Variants in SNX31 observed in about 807,000 individuals in gnomAD.
SNX31 encodes sorting nexin 31.
SNX31 carries 58 observed loss-of-function variants against 65.4 expected under a neutral mutation model. That is an observed-to-expected ratio of 0.89 (90% CI 0.72 to 1.10). SNX31 has a LOEUF of 1.10. SNX31 is among the 50% of genes least tolerant of loss of function. SNX31 has a pLI of 0.00. For synonymous variants in SNX31, 181 were observed against 190.1 expected, an observed-to-expected ratio of 0.95 and a Z score of 0.39; for missense variants, 523 against 529.7, an observed-to-expected ratio of 0.99 and a Z score of 0.12.
At chr8:100,642,556 G>C (rs1038437139) in intron 2 of SNX31, among the ~76,000 whole-genome samples, 16 of 152,288 alleles carry the variant, frequency 1.1e-4, no homozygotes, top group African/African-American at 3.1e-4. Context: ...ACTTGTCAAG[G>C]AATCTTTCTC....
chr8:100,582,988 A>G, intron 12 of SNX31, among the ~76,000 whole-genome samples: 1 of 151,104 alleles, frequency 6.6e-6, no homozygotes, highest in Non-Finnish European at 1.5e-5. Flanking sequence ...TCTAAAAAAA[A>G]AAAGAAAAGA....
intron 8 of SNX31, among the ~76,000 whole-genome samples, chr8:100,603,764 G>A (rs1815880641): frequency 1.5e-5 from 2 of 133,022 alleles, no homozygotes; most frequent in Non-Finnish European, 3.2e-5. Flanking sequence ...TTTTGAGACA[G>A]CCTTACTCTG....
At chr8:100,582,424 T>C (rs993098378) in intron 12 of SNX31, 6 of 152,224 alleles carry the variant, frequency 3.9e-5, no homozygotes, top group Non-Finnish European at 8.8e-5. Context: ...TTGGATTTTA[T>C]TATATTACTC....
intron 8 of SNX31, among the ~76,000 whole-genome samples, chr8:100,601,681 G>A (rs1815640244): frequency 6.6e-6 from 1 of 152,156 alleles, no homozygotes; most frequent in African/African-American, 2.4e-5. Flanking sequence ...TCAGCCTAGG[G>A]TAACCATCAT....
chr8:100,662,016 G>T (rs1257739683), intron 1 of SNX31, among the ~76,000 whole-genome samples: 1 of 152,140 alleles, frequency 6.6e-6, no homozygotes, highest in Non-Finnish European at 1.5e-5. Flanking sequence ...GTAGAGACAG[G>T]GTTTCGCCAT....
At chr8:100,607,865 G>A (rs1419749654) in intron 8 of SNX31, among the ~76,000 whole-genome samples, 1 of 152,162 alleles carries the variant, frequency 6.6e-6, no homozygotes, top group Non-Finnish European at 1.5e-5. Context: ...GTTGGTAACC[G>A]CGATCATTAC....
chr8:100,592,346 CTT>C (rs1814663363), intron 10 of SNX31, among the ~76,000 whole-genome samples: 1 of 152,076 alleles, frequency 6.6e-6, no homozygotes, highest in African/African-American at 2.4e-5. Context: ...TATCAATAAT[CTT>C]AAAGCTATAG....
At chr8:100,627,774 T>C (rs967109674) in intron 4 of SNX31, among the ~76,000 whole-genome samples, 7 of 152,148 alleles carry the variant, frequency 4.6e-5, no homozygotes, top group Admixed American at 2.0e-4. Flanking sequence ...TGACCTCAGG[T>C]GATCCGCCCA....
chr8:100,594,737 A>C lies in SNX31; in HGVS notation c.978+1902T>G, dbSNP rs942875334. 6.6e-6 allele frequency among the ~76,000 whole-genome samples: 1 copy of C among 152,250 alleles called. No homozygotes were observed. The highest frequency in any genetic ancestry group is 2.4e-5 in the African/African-American group (1 of 41,470). Reference sequence around the variant, plus strand: ...TAGCCATTCTCAAAAACAATTCGGCAGTTTCTTTAAAAAGTAAACATGCAA... The same window carrying C: ...TAGCCATTCTCAAAAACAATTCGGCCGTTTCTTTAAAAAGTAAACATGCAA... On this transcript the variant is annotated intron_variant, in intron 10 of 13. Coordinates refer to ENST00000311812, the MANE Select transcript of SNX31 (RefSeq NM_152628.4). The surrounding 1 kb of genome is among the most constrained non-coding windows in gnomAD (Gnocchi z 4.0).
intron 5 of SNX31, among the ~76,000 whole-genome samples, chr8:100,616,711 G>A (rs1020644190): frequency 3.9e-5 from 6 of 152,258 alleles, no homozygotes; most frequent in East Asian, 1.9e-4. Flanking sequence ...ACGGAGAGAC[G>A]ATGAATATAA....
Position 100,630,458 on chromosome 8 carries a change from G to T in SNX31, c.257-67C>A. On this transcript the variant is annotated intron_variant, in intron 3 of 13. Transcript: ENST00000311812. This position sits in a 1 kb window ranked among gnomAD's most constrained non-coding sequence, Gnocchi z 5.3. ...CTGGGCCCTGCCTATTAATTGCTAT[G>T]TCCTCCAGAGATCCCTCCATGCCTT... 7.5e-7 allele frequency: 1 copy of T among 1,334,060 alleles called. No homozygotes were observed. Among genetic ancestry groups the T allele is most frequent in the Non-Finnish European group, 1.1e-6 (1 of 951,618 alleles). 82.6% of individuals were successfully genotyped at this position (1,334,060 alleles called of 1,614,324 possible).
intron 3 of SNX31, among the ~76,000 whole-genome samples, chr8:100,635,404 T>C (rs1222811907): frequency 2.0e-5 from 3 of 151,812 alleles, no homozygotes; most frequent in African/African-American, 7.3e-5. Context: ...CATACCTGGC[T>C]AATTTTTAAA....
rs1176105092 is a variant in SNX31, at chr8:100,596,733, T to C, written c.884A>G (p.Asn295Ser). Residue 295 changes from asparagine to serine, a missense_variant, in exon 10 of 14, where the codon AAT becomes AGT. Transcript: ENST00000311812. ...GSGAVLSVGN[N>S]EISCCITLPD... Reference sequence around the variant, plus strand: ...CAGGGTGATGCAGCAGCTGATCTCATTATTGCCAACAGAAAGAACAGCTCC... The same window carrying C: ...CAGGGTGATGCAGCAGCTGATCTCACTATTGCCAACAGAAAGAACAGCTCC... 1.2e-6 allele frequency: 2 copies of C among 1,614,114 alleles called. No individual in the cohort carries two copies. Among genetic ancestry groups the C allele is most frequent in the South Asian group, 2.2e-5 (2 of 91,072 alleles).
intron 12 of SNX31, among the ~76,000 whole-genome samples, chr8:100,579,773 G>T (rs138583627): frequency 6.6e-6 from 1 of 152,094 alleles, no homozygotes; most frequent in Non-Finnish European, 1.5e-5. Flanking sequence ...CTTGTTCTTC[G>T]CCATTTTTGA....
chr8:100,588,783 T>C lies in SNX31; in HGVS notation c.1092+83A>G. ...CTTTAGGGTCCTGCTCTAGTTGGGT[T>C]AGGGTCATGTGCTTCATCCACCCCA... On this transcript the variant is annotated intron_variant, in intron 11 of 13. Transcript: ENST00000311812. The surrounding 1 kb of genome is among the most constrained non-coding windows in gnomAD (Gnocchi z 4.8). The C allele has an allele frequency of 1.0e-6, 1 of 961,768 alleles. No homozygotes were observed. Among genetic ancestry groups the C allele is most frequent in the Non-Finnish European group, 1.7e-6 (1 of 601,720 alleles). The allele number at this position is 961,768 out of a possible 1,614,324, so 59.6% of individuals were successfully genotyped here.
At chr8:100,662,181 A>G (rs1377371493) in intron 1 of SNX31, among the ~76,000 whole-genome samples, 3 of 152,106 alleles carry the variant, frequency 2.0e-5, no homozygotes, top group African/African-American at 7.2e-5. Flanking sequence ...TCCTCCCTTT[A>G]TTGATGAGCT....
At chr8:100,595,310 T>TC (rs1814973700) in intron 10 of SNX31, among the ~76,000 whole-genome samples, 1 of 141,610 alleles carries the variant, frequency 7.1e-6, no homozygotes, top group African/African-American at 3.1e-5. Context: ...AGAGGGAATT[T>TC]GTTGTTTTTT....
chr8:100,641,585 TATATATATATACAC>T (rs1160848556), intron 2 of SNX31, among the ~76,000 whole-genome samples: 2 of 23,382 alleles, frequency 8.6e-5, no homozygotes, highest in African/African-American at 3.5e-4. Context: ...TATATATATA[TATATATATATACAC>T]ATACACACAC....
intron 2 of SNX31, among the ~76,000 whole-genome samples, chr8:100,644,259 T>C (rs146309016): frequency 6.6e-6 from 1 of 152,148 alleles, no homozygotes; most frequent in South Asian, 2.1e-4. Flanking sequence ...TTGTCCCCAT[T>C]GCCATGTCTG....
Sources: allele counts gnomAD v4.1 joint callset (sites outside exome capture counted in the v4.1 genomes callset), GRCh38; gene constraint gnomAD v4.1.1; non-coding constraint Gnocchi (gnomAD v3.1); transcripts MANE v1.5; gene names NCBI Gene and HGNC (gene_info 2026-07-23, HGNC 2026-07-21).